Variants in ZNF638 observed in about 807,000 individuals in gnomAD.
ZNF638 encodes the protein zinc finger protein 638.
A neutral mutation model predicts 195.6 loss-of-function variants in ZNF638; 46 were observed. The ratio of observed to expected loss-of-function variants is 0.24; its 90% confidence interval spans 0.19 to 0.30. ZNF638 has a LOEUF of 0.30. Among genes scored for constraint, ZNF638 ranks in the 10% least tolerant of loss-of-function variants. ZNF638 has a pLI of 1.00. For synonymous variants in ZNF638, 845 were observed against 772.0 expected (o/e 1.09, Z -1.57); for missense variants, 2,440 against 2,325.3 (o/e 1.05, Z -1.01).
Position 71,331,962 on chromosome 2 carries a change from G to A in ZNF638, c.-203+87G>A, listed in dbSNP as rs899727445. On this transcript the variant is annotated intron_variant, in intron 1 of 27. Transcript: ENST00000264447. Reference sequence around the variant, plus strand: ...CCTGAGCCCTTCCTGTGAGATCCGGGCCGACTATTGTATCTGTGTCGCAGC... The same window carrying A: ...CCTGAGCCCTTCCTGTGAGATCCGGACCGACTATTGTATCTGTGTCGCAGC... The A allele has an allele frequency of 4.1e-6, 4 of 979,312 alleles. No individual in the cohort carries two copies. The East Asian group carries it at 4.6e-4, about 112-fold the overall frequency. 60.7% of individuals were successfully genotyped at this position (979,312 alleles called of 1,614,324 possible).
In ZNF638 at chr2:71,423,000, T is replaced by C; in HGVS notation, c.3486T>C (p.Val1162=). The C allele has an allele frequency of 6.2e-7, 1 of 1,614,118 alleles. No homozygotes were observed. The highest frequency in any genetic ancestry group is 8.5e-7 in the Non-Finnish European group (1 of 1,179,990). ...CAACATGTGATTCTGACTTTGCTGT[T>C]GAAACTTTGGAGCTTGAAACTCAAG... ...EKATCDSDFA[V]ETLELETQGE... Residue 1162 remains valine (V), a synonymous_variant, in exon 22 of 28, where the codon GTT becomes GTC. Coordinates refer to ENST00000264447, the MANE Select transcript of ZNF638 (RefSeq NM_014497.5).
Position 71,405,621 on chromosome 2 carries a change from G to T in ZNF638, c.2979G>T (p.Leu993Phe). The change falls in exon 18 of 28, where the codon TTG becomes TTT. Residue 993 changes from leucine (L) to phenylalanine (F), a missense_variant. Physicochemically the swap from Leu to Phe is conservative, Grantham distance 22 (BLOSUM62 0). Transcript: ENST00000264447. The stretch of plus-strand genomic sequence containing the variant: ...TTTAGGAAGCTATATTTATAACCTT[G>T]GTAAAAGAAAATGACCCAGAGGTAA... ...IKDEEAIFIT[L>F]VKENDPEANI... The T allele has an allele frequency of 6.4e-7, 1 of 1,569,528 alleles. No homozygotes were observed.
rs1470900890 is a variant in ZNF638, at chr2:71,406,124, A to G, written c.3001-4A>G. Reference sequence around the variant, plus strand: ...TTTCTGTGCTGTCTCTTAAAAAACTACAGGCAAACATAGATACAATTTATG... The same window carrying G: ...TTTCTGTGCTGTCTCTTAAAAAACTGCAGGCAAACATAGATACAATTTATG... On this transcript the variant is annotated splice_region_variant and splice_polypyrimidine_tract_variant and intron_variant, in intron 18 of 27. Coordinates refer to ENST00000264447, the MANE Select transcript of ZNF638 (RefSeq NM_014497.5). 1.2e-6 allele frequency: 2 copies of G among 1,613,064 alleles called. No homozygotes were observed. The highest frequency in any genetic ancestry group is 2.2e-5 in the East Asian group (1 of 44,786).
At chr2:71,356,211 A>G (rs2079020067) in intron 3 of ZNF638, among the ~76,000 whole-genome samples, 1 of 152,208 alleles carries the variant, frequency 6.6e-6, no homozygotes, top group South Asian at 2.1e-4. Context: ...AATATACCTT[A>G]AGTAAGGGAT....
At chr2:71,432,471 G>C (rs776533640) in intron 26 of ZNF638, among the ~76,000 whole-genome samples, 14 of 152,208 alleles carry the variant, frequency 9.2e-5, no homozygotes, top group Non-Finnish European at 1.6e-4. Context: ...AAAGTGCTGG[G>C]ATTATAGGCT....
At chr2:71,424,800 C>A in intron 23 of ZNF638, 85 bp downstream of exon 23, 1 of 1,117,816 alleles carries the variant, frequency 8.9e-7, no homozygotes, top group Non-Finnish European at 1.3e-6. Flanking sequence ...CCTGCCTTAA[C>A]AATGTTAGTG....
In ZNF638 at chr2:71,348,802, C is replaced by G; in HGVS notation, c.-153C>G. 2 of 1,577,312 alleles carry G rather than the reference C, an allele frequency of 1.3e-6. No homozygotes were observed. The highest frequency in any genetic ancestry group is 1.7e-6 in the Non-Finnish European group (2 of 1,165,764). ...CGCACCACTTGTGAATTCCTTGAACCTGGGCATTGCAAACCCACTTCTGTT... is the reference window on the plus strand; with the variant it reads ...CGCACCACTTGTGAATTCCTTGAACGTGGGCATTGCAAACCCACTTCTGTT... On this transcript the variant is annotated 5_prime_UTR_variant, in exon 2 of 28. Transcript: ENST00000264447.
rs1160480688 is a variant in ZNF638, at chr2:71,420,278, C to T, written c.3299+1639C>T. Among the ~76,000 whole-genome samples, 6 of 151,808 alleles carry T rather than the reference C, an allele frequency of 4.0e-5. No individual in the cohort carries two copies. In the South Asian group the frequency reaches 8.3e-4, roughly 21 times the overall value. ...ATGAATATGATACTTTTGTTTATAA[C>T]TAAACTATTTAAATACTGTTTAGAG... On this transcript the variant is annotated intron_variant, in intron 21 of 27. Coordinates refer to ENST00000264447, the MANE Select transcript of ZNF638 (RefSeq NM_014497.5).
At chr2:71,334,233 T>G (rs748112774) in intron 1 of ZNF638, among the ~76,000 whole-genome samples, 1 of 152,228 alleles carries the variant, frequency 6.6e-6, no homozygotes, top group African/African-American at 2.4e-5. Flanking sequence ...CTCTTTCCAC[T>G]GTACCTTAAT....
chr2:71,432,169 T>C (rs1442254085), intron 26 of ZNF638, among the ~76,000 whole-genome samples: 3 of 152,200 alleles, frequency 2.0e-5, no homozygotes, highest in African/African-American at 4.8e-5. Flanking sequence ...TTCTCTCTCT[T>C]TTATTTTAAT....
intron 3 of ZNF638, among the ~76,000 whole-genome samples, chr2:71,359,536 C>T (rs1311955754): frequency 1.3e-5 from 2 of 152,214 alleles, no homozygotes; most frequent in East Asian, 3.8e-4. Context: ...GACTCACAGA[C>T]TAATCTTCAC....
chr2:71,406,148 T>C lies in ZNF638; in HGVS notation c.3021T>C (p.Tyr1007=). Reference sequence around the variant, plus strand: ...TACAGGCAAACATAGATACAATTTATGATCGATTTGTACATCTTGATAATT... The same window carrying C: ...TACAGGCAAACATAGATACAATTTACGATCGATTTGTACATCTTGATAATT... ...NDPEANIDTI[Y]DRFVHLDNLP... The change falls in exon 19 of 28, where the codon TAT becomes TAC. Residue 1007 remains tyrosine, a synonymous_variant. Coordinates refer to ENST00000264447, the MANE Select transcript of ZNF638 (RefSeq NM_014497.5). 6.2e-7 allele frequency: 1 copy of C among 1,613,762 alleles called. No individual in the cohort carries two copies. The highest frequency in any genetic ancestry group is 8.5e-7 in the Non-Finnish European group (1 of 1,179,770).
Position 71,363,989 on chromosome 2 carries a change from G to A in ZNF638, c.1454G>A (p.Arg485Gln). Residue 485 changes from arginine to glutamine, a missense_variant, in exon 5 of 28, where the codon CGA (arginine) becomes CAA (glutamine). Arg to Gln is a conservative substitution (Grantham distance 43). Transcript: ENST00000264447. ...AATAGAAAAGAAAATGAAACTCCAC[G>A]AAGACGTTCTCATTCCCCCAGTCCT... ...EGNRKENETP[R>Q]RRSHSPSPRR... is the part of the protein sequence containing the mutation. 6.2e-7 allele frequency: 1 copy of A among 1,613,930 alleles called. No individual in the cohort carries two copies. Among genetic ancestry groups the A allele is most frequent in the Non-Finnish European group, 8.5e-7 (1 of 1,179,920 alleles).
At chr2:71,390,277 A>G (rs981359789) in intron 10 of ZNF638, among the ~76,000 whole-genome samples, 1 of 152,192 alleles carries the variant, frequency 6.6e-6, no homozygotes, top group Non-Finnish European at 1.5e-5. Flanking sequence ...GAAAGCCCAC[A>G]GTCCACTCTC....
intron 20 of ZNF638, among the ~76,000 whole-genome samples, chr2:71,411,496 C>CT (rs1448923794): frequency 9.3e-5 from 7 of 74,918 alleles, no homozygotes; most frequent in South Asian, 8.4e-4. Flanking sequence ...TTATTATACT[C>CT]TAAGTTTTAG....
intron 10 of ZNF638, among the ~76,000 whole-genome samples, chr2:71,381,920 G>A (rs2079541046): frequency 6.6e-6 from 1 of 152,074 alleles, no homozygotes; most frequent in Non-Finnish European, 1.5e-5. Context: ...TTCTTATATA[G>A]ATTGGATAAA....
intron 2 of ZNF638, among the ~76,000 whole-genome samples, chr2:71,355,117 C>T (rs113646533): frequency 5.4e-4 from 82 of 152,178 alleles, no homozygotes; most frequent in Non-Finnish European, 9.3e-4. Flanking sequence ...TACAGGTGCC[C>T]GCCACAACGC....
At chr2:71,382,226 G>A (rs1050028309) in intron 10 of ZNF638, among the ~76,000 whole-genome samples, 6 of 152,134 alleles carry the variant, frequency 3.9e-5, no homozygotes, top group Non-Finnish European at 7.4e-5. Context: ...ACATTACCAA[G>A]TTTCAGCTGT....
intron 17 of ZNF638, among the ~76,000 whole-genome samples, chr2:71,405,001 C>G (rs528922650): frequency 3.5e-4 from 53 of 152,088 alleles, no homozygotes; most frequent in Non-Finnish European, 4.3e-4. Context: ...AAGAATCACT[C>G]TAATGTGATG....
Sources: gnomAD v4.1 joint callset for allele counts (sites outside exome capture counted in the v4.1 genomes callset) on GRCh38, gnomAD v4.1.1 for gene constraint, MANE v1.5 for transcripts, NCBI Gene and HGNC (gene_info 2026-07-23, HGNC 2026-07-21) for gene names.